The following GALNT17 variants were observed in gnomAD, a reference collection of about 807,000 sequenced individuals.
GALNT17 encodes the protein UDP-GalNAc:polypeptide N-acetylgalactosaminyltransferase-like 3.
A neutral mutation model predicts 63.7 loss-of-function variants in GALNT17; 29 were observed. The observed-to-expected ratio is 0.46, with a 90% CI of 0.34 to 0.62. The LOEUF (loss-of-function observed/expected upper bound fraction) is 0.62, where lower values mean the gene tolerates loss of function less well. Among genes scored for constraint, GALNT17 ranks in the 20% least tolerant of loss-of-function variants. The pLI is 0.01. For synonymous variants in GALNT17, 305 were observed against 318.3 expected (o/e 0.96, Z 0.45); for missense variants, 603 against 799.6 (o/e 0.75, Z 2.97).
chr7:71,472,516 G>C lies in GALNT17; in HGVS notation c.962+51411G>C, dbSNP rs796237018. On this transcript the variant is annotated intron_variant, in intron 5 of 10. Transcript: ENST00000333538. ...ATACTGGCCAACATGGTGAAACCCC[G>C]TGTCTACTAAAATAAAAAAATTAGC... 2.4e-4 allele frequency among the ~76,000 whole-genome samples: 37 copies of C among 152,044 alleles called. 1 individual carries two copies. Among genetic ancestry groups the C allele is most frequent in the African/African-American group, 8.4e-4 (35 of 41,534 alleles).
intron 6 of GALNT17, among the ~76,000 whole-genome samples, chr7:71,589,619 ACAGTACTC>A (rs1458093054): frequency 6.6e-6 from 1 of 152,132 alleles, no homozygotes; most frequent in Non-Finnish European, 1.5e-5. Flanking sequence ...ATTGCCACTA[ACAGTACTC>A]CAGACACTGT....
At chr7:71,282,070 G>A (rs1004886911) in intron 1 of GALNT17, among the ~76,000 whole-genome samples, 2 of 152,188 alleles carry the variant, frequency 1.3e-5, no homozygotes, top group South Asian at 2.1e-4. Flanking sequence ...TTGGGCTCCT[G>A]TGCCATCCCT....
At chr7:71,347,387 T>C (rs912009806) in intron 2 of GALNT17, among the ~76,000 whole-genome samples, 1 of 152,186 alleles carries the variant, frequency 6.6e-6, no homozygotes, top group Non-Finnish European at 1.5e-5. Flanking sequence ...ATAGAATTGC[T>C]GTGTGGATTA....
chr7:71,529,418 T>C (rs982093866), intron 5 of GALNT17, among the ~76,000 whole-genome samples: 7 of 152,034 alleles, frequency 4.6e-5, no homozygotes, highest in African/African-American at 1.7e-4. Flanking sequence ...TTCACCTATT[T>C]GTAAAAAAAA....
chr7:71,492,622 G>A (rs1583999973), intron 5 of GALNT17, among the ~76,000 whole-genome samples: 2 of 152,210 alleles, frequency 1.3e-5, no homozygotes, highest in Non-Finnish European at 2.9e-5. Context: ...AGGTGGACTT[G>A]AGTTCAAAAG....
chr7:71,146,852 A>T (rs998078676), intron 1 of GALNT17, among the ~76,000 whole-genome samples: 1 of 152,154 alleles, frequency 6.6e-6, no homozygotes, highest in African/African-American at 2.4e-5. Context: ...ATCACAGGCG[A>T]CCACGTTCAG....
intron 1 of GALNT17, among the ~76,000 whole-genome samples, chr7:71,245,630 T>G (rs1790079898): frequency 6.6e-6 from 1 of 152,168 alleles, no homozygotes; most frequent in Admixed American, 6.5e-5. Context: ...CTGTGGACAC[T>G]GGGGACTGAA....
At chr7:71,480,115 C>A (rs1050534767) in intron 5 of GALNT17, among the ~76,000 whole-genome samples, 1 of 149,390 alleles carries the variant, frequency 6.7e-6, no homozygotes, top group East Asian at 2.0e-4. Context: ...GTAACAGTCA[C>A]GGGTCCACAG....
At chr7:71,587,679 G>C (rs1789739749) in intron 6 of GALNT17, among the ~76,000 whole-genome samples, 1 of 151,986 alleles carries the variant, frequency 6.6e-6, no homozygotes, top group Non-Finnish European at 1.5e-5. Flanking sequence ...GTATCTTGCT[G>C]TGGGTAATAC....
At chr7:71,216,635 C>CAT (rs1789486354) in intron 1 of GALNT17, among the ~76,000 whole-genome samples, 2 of 151,444 alleles carry the variant, frequency 1.3e-5, no homozygotes, top group Non-Finnish European at 1.5e-5. Context: ...CACACATATA[C>CAT]ATATATATAC....
chr7:71,593,667 G>C (rs1789844564), intron 6 of GALNT17, among the ~76,000 whole-genome samples: 1 of 152,146 alleles, frequency 6.6e-6, no homozygotes, highest in African/African-American at 2.4e-5. Flanking sequence ...ACCAGTGTCT[G>C]CCTTACAGGA....
At chr7:71,431,291 A>G (rs1213612777) in intron 5 of GALNT17, among the ~76,000 whole-genome samples, 1 of 142,338 alleles carries the variant, frequency 7.0e-6, no homozygotes, top group Non-Finnish European at 1.5e-5. Flanking sequence ...ACTCACTGCA[A>G]CCTCCACCTC....
intron 1 of GALNT17, among the ~76,000 whole-genome samples, chr7:71,164,440 C>T (rs983948847): frequency 7.2e-5 from 11 of 152,164 alleles, no homozygotes; most frequent in African/African-American, 1.9e-4. Flanking sequence ...CCCCCATGAT[C>T]GAATCACCTC....
At chr7:71,548,601 G>A (rs1265462982) in intron 5 of GALNT17, among the ~76,000 whole-genome samples, 1 of 152,148 alleles carries the variant, frequency 6.6e-6, no homozygotes, top group Non-Finnish European at 1.5e-5. Context: ...ACACTCTCTT[G>A]CCTGCCACCA....
intron 1 of GALNT17, among the ~76,000 whole-genome samples, chr7:71,219,144 A>G: frequency 6.6e-6 from 1 of 152,136 alleles, no homozygotes; most frequent in African/African-American, 2.4e-5. Context: ...TATTAGGTAA[A>G]CACTATTTTT....
At chr7:71,376,101 A>AAAAAGG (rs772083867) in intron 2 of GALNT17, among the ~76,000 whole-genome samples, 2 of 141,454 alleles carry the variant, frequency 1.4e-5, no homozygotes, top group Non-Finnish European at 1.5e-5. Flanking sequence ...AAAGAAAAAG[A>AAAAAGG]AAAAAAAGAA....
chr7:71,619,954 G>T (rs1452511160), intron 6 of GALNT17, among the ~76,000 whole-genome samples: 1 of 152,094 alleles, frequency 6.6e-6, no homozygotes, highest in Non-Finnish European at 1.5e-5. Context: ...TTATTTTGAG[G>T]TATGTTCATT....
chr7:71,686,698 A>G (rs1791364443), intron 9 of GALNT17, among the ~76,000 whole-genome samples: 1 of 151,974 alleles, frequency 6.6e-6, no homozygotes, highest in African/African-American at 2.4e-5. Context: ...CCTTCCACAT[A>G]CTTTTATACA....
intron 1 of GALNT17, among the ~76,000 whole-genome samples, chr7:71,320,262 T>G (rs1022162193): frequency 6.6e-6 from 1 of 152,070 alleles, no homozygotes; most frequent in Non-Finnish European, 1.5e-5. Context: ...ATTGAGATAG[T>G]GTCTTGCTCC....
Sources: gnomAD v4.1 joint callset for allele counts (sites outside exome capture counted in the v4.1 genomes callset) on GRCh38, gnomAD v4.1.1 for gene constraint, MANE v1.5 for transcripts, NCBI Gene and HGNC (gene_info 2026-07-23, HGNC 2026-07-21) for gene names.